DLGAP2: variants seen among roughly 807,000 people sequenced by gnomAD.
DLGAP2 encodes the protein disks large-associated protein 2.
DLGAP2 carries 26 observed loss-of-function variants against 100.3 expected under a neutral mutation model. The observed-to-expected ratio is 0.26, with a 90% CI of 0.19 to 0.36. DLGAP2 has a LOEUF of 0.36. Among genes scored for constraint, DLGAP2 ranks in the 10% least tolerant of loss-of-function variants. The pLI, the probability that DLGAP2 is intolerant of heterozygous loss-of-function variation, is 1.00. For synonymous variants in DLGAP2, 886 were observed against 630.1 expected (o/e 1.41, Z -6.08); for missense variants, 1,858 against 1,453.2 (o/e 1.28, Z -4.53).
At chr8:756,592 T>G (rs2132581988) in intron 1 of DLGAP2, among the ~76,000 whole-genome samples, 1 of 152,286 alleles carries the variant, frequency 6.6e-6, no homozygotes, top group Admixed American at 6.5e-5. Context: ...GAGATCATAC[T>G]GGGATCTCAG....
intron 2 of DLGAP2, among the ~76,000 whole-genome samples, chr8:1,075,708 G>A (rs2600496): frequency 0.023 from 3,477 of 152,126 alleles, 122 homozygotes; most frequent in African/African-American, 0.08. Context: ...TGAGAGCAAG[G>A]TTGCATCTGA....
At chr8:788,554 G>T (rs896237379) in intron 1 of DLGAP2, among the ~76,000 whole-genome samples, 21 of 152,318 alleles carry the variant, frequency 1.4e-4, no homozygotes, top group Middle Eastern at 3.4e-3. Context: ...TAAGATAGTA[G>T]CCATTTACAA....
intron 2 of DLGAP2, among the ~76,000 whole-genome samples, chr8:936,194 G>T (rs893178767): frequency 6.6e-6 from 1 of 152,166 alleles, no homozygotes; most frequent in Non-Finnish European, 1.5e-5. Context: ...CTCTGTAGGA[G>T]TCTGTGTGGC....
At chr8:1,303,546 C>T (rs1800416712) in intron 3 of DLGAP2, among the ~76,000 whole-genome samples, 1 of 151,992 alleles carries the variant, frequency 6.6e-6, no homozygotes, top group Non-Finnish European at 1.5e-5. Flanking sequence ...CTGGTCTTAT[C>T]CATTAGGTTT....
chr8:1,407,911 C>T (rs1168141248), intron 3 of DLGAP2, among the ~76,000 whole-genome samples: 2 of 152,248 alleles, frequency 1.3e-5, no homozygotes. Flanking sequence ...TGAGTGCTGA[C>T]TGAGTACCGC....
intron 2 of DLGAP2, among the ~76,000 whole-genome samples, chr8:973,563 G>T (rs141711948): frequency 0.11 from 16,960 of 152,230 alleles, 1,423 homozygotes; most frequent in Admixed American, 0.26. Context: ...TGGGGTGGCA[G>T]CTGGGCAGAG....
At chr8:1,551,315 A>G (rs1007571202) in intron 5 of DLGAP2, among the ~76,000 whole-genome samples, 1 of 152,206 alleles carries the variant, frequency 6.6e-6, no homozygotes, top group Admixed American at 6.5e-5. Context: ...CCTCATTGTC[A>G]CAGACACATA....
intron 3 of DLGAP2, among the ~76,000 whole-genome samples, chr8:1,438,164 G>T (rs1171567320): frequency 6.6e-6 from 1 of 152,156 alleles, no homozygotes; most frequent in Non-Finnish European, 1.5e-5. Context: ...TCGTGTGGGT[G>T]TGGTTACGAG....
At chr8:1,240,272 CTAGT>C in intron 2 of DLGAP2, among the ~76,000 whole-genome samples, 1 of 132,234 alleles carries the variant, frequency 7.6e-6, no homozygotes, top group Non-Finnish European at 1.7e-5. Flanking sequence ...GGCGCCGTGT[CTAGT>C]TCTGTTACAT....
intron 2 of DLGAP2, among the ~76,000 whole-genome samples, chr8:1,199,684 G>A (rs985531887): frequency 1.3e-5 from 2 of 152,172 alleles, no homozygotes; most frequent in Non-Finnish European, 2.9e-5. Context: ...CTGATGGAGA[G>A]TCTTATGGGT....
chr8:1,605,469 G>A (rs1796766463), intron 6 of DLGAP2, among the ~76,000 whole-genome samples: 1 of 152,176 alleles, frequency 6.6e-6, no homozygotes. Context: ...AGAGTCTCTG[G>A]TGAATGCGTG....
chr8:1,123,865 C>G (rs1796105586), intron 2 of DLGAP2, among the ~76,000 whole-genome samples: 1 of 152,058 alleles, frequency 6.6e-6, no homozygotes. Flanking sequence ...TTCCTGTTTG[C>G]CTAAAAATTA....
At chr8:1,074,411 G>A (rs979889244) in intron 2 of DLGAP2, among the ~76,000 whole-genome samples, 2 of 152,200 alleles carry the variant, frequency 1.3e-5, no homozygotes, top group African/African-American at 2.4e-5. Flanking sequence ...CAGCCTTTCA[G>A]TTCACATCAT....
At chr8:1,537,267 A>G (rs185496075) in intron 4 of DLGAP2, among the ~76,000 whole-genome samples, 1,956 of 152,310 alleles carry the variant, frequency 0.013, 41 homozygotes, top group African/African-American at 0.044. Context: ...GTGCATGTGC[A>G]TAATCATGCA....
intron 1 of DLGAP2, among the ~76,000 whole-genome samples, chr8:782,565 A>T (rs1162365946): frequency 6.6e-6 from 1 of 152,240 alleles, no homozygotes; most frequent in Non-Finnish European, 1.5e-5. Context: ...CAAAATAGTA[A>T]GAATTGAAAA....
intron 1 of DLGAP2, among the ~76,000 whole-genome samples, chr8:752,523 G>C (rs528061745): frequency 6.6e-6 from 1 of 152,180 alleles, no homozygotes; most frequent in Non-Finnish European, 1.5e-5. Context: ...GCCTGGGCTC[G>C]GTGTGGGGTC....
chr8:1,087,541 TTC>T (rs535340470), intron 2 of DLGAP2, among the ~76,000 whole-genome samples: 6 of 138,858 alleles, frequency 4.3e-5, no homozygotes, highest in Non-Finnish European at 6.3e-5. Flanking sequence ...TGACTCCTCT[TTC>T]TCTCTCTCTC....
rs564073033 is a variant in DLGAP2 at position 809,925 on chromosome 8, A to G, written c.18+72100A>G. On this transcript the variant is annotated intron_variant, in intron 1 of 14. Transcript: ENST00000637795. ...CAGAAGCATGGTGTGCTCTGGTGCT[A>G]ATTTCTCTTTGGTTGGCGATGTCTT... Among the ~76,000 whole-genome samples the G allele has an allele frequency of 8.5e-5, 13 of 152,256 alleles. No homozygotes were observed. The South Asian group carries it at 2.7e-3, about 32-fold the overall frequency.
At chr8:1,123,807 A>G (rs1050439144) in intron 2 of DLGAP2, among the ~76,000 whole-genome samples, 1 of 152,086 alleles carries the variant, frequency 6.6e-6, no homozygotes, top group Non-Finnish European at 1.5e-5. Flanking sequence ...ATTTTTCAAT[A>G]TTAATTAATA....
Sources: gnomAD v4.1 joint callset for allele counts (sites outside exome capture counted in the v4.1 genomes callset) on GRCh38, gnomAD v4.1.1 for gene constraint, MANE v1.5 for transcripts, NCBI Gene and HGNC (gene_info 2026-07-23, HGNC 2026-07-21) for gene names.